The following CAST variants were observed in gnomAD, a reference collection of about 807,000 sequenced individuals.
The protein encoded by CAST is MIR583 host.
Under a neutral mutation model 119.6 loss-of-function variants are expected in CAST, and 76 were observed. The observed-to-expected ratio is 0.64, with a 90% confidence interval of 0.53 to 0.77. The LOEUF (loss-of-function observed/expected upper bound fraction) is 0.77, where lower values mean the gene tolerates loss of function less well. CAST is among the 30% of genes least tolerant of loss of function. The probability of loss-of-function intolerance (pLI) is 0.00; values close to 1 mark genes in which losing one functional copy is unlikely to be tolerated. For synonymous variants in CAST, 319 were observed against 331.6 expected (o/e 0.96, Z 0.41); for missense variants, 953 against 946.5 (o/e 1.01, Z -0.09).
chr5:96,358,983 A>T, the CAST span, among the ~76,000 whole-genome samples: 1 of 152,104 alleles, frequency 6.6e-6, no homozygotes, highest in Non-Finnish European at 1.5e-5. Context: ...GTCTCTTTGT[A>T]GGTGTTTAAG....
chr5:96,302,174 T>C, the CAST span, among the ~76,000 whole-genome samples: 1 of 152,196 alleles, frequency 6.6e-6, no homozygotes, highest in Non-Finnish European at 1.5e-5. Flanking sequence ...TCTGGAGCAG[T>C]GGCCTGAGAT....
the CAST span, among the ~76,000 whole-genome samples, chr5:96,453,351 C>T: frequency 1.3e-4 from 20 of 152,236 alleles, no homozygotes; most frequent in African/African-American, 4.8e-4. Context: ...AGTTGGTCTA[C>T]AAAATTATTT....
At chr5:96,422,049 C>T in the CAST span, 4 of 751,762 alleles carry the variant, frequency 5.3e-6, no homozygotes. Flanking sequence ...TTACCCTATG[C>T]CTTCCCATCC....
At chr5:96,382,249 A>G in the CAST span, among the ~76,000 whole-genome samples, 1 of 152,210 alleles carries the variant, frequency 6.6e-6, no homozygotes, top group African/African-American at 2.4e-5. Context: ...GTGCTCACAC[A>G]GTTTATCATG....
chr5:96,179,302 AC>A, the CAST span, among the ~76,000 whole-genome samples: 2 of 152,028 alleles, frequency 1.3e-5, no homozygotes, highest in Admixed American at 6.5e-5. Context: ...TCCCTGTCCT[AC>A]CCTTGCTTCA....
the CAST span, among the ~76,000 whole-genome samples, chr5:96,302,424 A>C: frequency 1.3e-5 from 2 of 152,332 alleles, no homozygotes; most frequent in African/African-American, 4.8e-5. Flanking sequence ...AAATTTCTGC[A>C]GCATTCCTGA....
chr5:96,116,164 C>T, the CAST span, among the ~76,000 whole-genome samples: 29 of 152,138 alleles, frequency 1.9e-4, no homozygotes, highest in African/African-American at 6.5e-4. Context: ...CTAGTTTTAC[C>T]TTTTCCAGAT....
chr5:96,110,741 G>A, the CAST span, among the ~76,000 whole-genome samples: 1 of 152,146 alleles, frequency 6.6e-6, no homozygotes, highest in South Asian at 2.1e-4. Context: ...TTACAAACTT[G>A]GAGATGTCTA....
rs573371298 is a variant in CAST, at chr5:96,732,580, T to C, written c.630+1720T>C. ...GTTTTGGACATGAAGTCCTTGCCCA[T>C]GCCTATGTCCTGAATGGTAATGCCT... On this transcript the variant is annotated intron_variant, in intron 9 of 31. Transcript: ENST00000675179. Among the ~76,000 whole-genome samples, 73 of 151,348 alleles carry C rather than the reference T, an allele frequency of 4.8e-4. 1 individual carries two copies. In the South Asian group the frequency reaches 7.3e-3, roughly 15 times the overall value.
At chr5:96,531,709 G>A (rs988360199) in intron 1 of CAST, among the ~76,000 whole-genome samples, 3 of 152,104 alleles carry the variant, frequency 2.0e-5, no homozygotes, top group Non-Finnish European at 2.9e-5. Context: ...TGGAGGAAGT[G>A]AAAATTTAAC....
intron 1 of CAST, among the ~76,000 whole-genome samples, chr5:96,564,287 A>C (rs2150185501): frequency 6.6e-6 from 1 of 152,312 alleles, no homozygotes; most frequent in African/African-American, 2.4e-5. Context: ...TTTGCTTTGG[A>C]ATTACAACAG....
the CAST span, among the ~76,000 whole-genome samples, chr5:96,374,025 T>C: frequency 6.6e-6 from 1 of 152,196 alleles, no homozygotes; most frequent in African/African-American, 2.4e-5. Flanking sequence ...GTATTTACTG[T>C]TCAGTTTAGC....
At chr5:96,558,920 A>G (rs992395035) in intron 1 of CAST, among the ~76,000 whole-genome samples, 4 of 152,044 alleles carry the variant, frequency 2.6e-5, no homozygotes, top group African/African-American at 9.7e-5. Context: ...AGAATTTTAG[A>G]CCAATATCCC....
chr5:96,227,621 C>T, the CAST span, among the ~76,000 whole-genome samples: 2 of 152,114 alleles, frequency 1.3e-5, no homozygotes, highest in Non-Finnish European at 2.9e-5. Flanking sequence ...GAAAAAGTGC[C>T]ATCATGGGAA....
At chr5:96,546,090 G>A (rs1430348025) in intron 1 of CAST, 1 of 152,192 alleles carries the variant, frequency 6.6e-6, no homozygotes, top group Non-Finnish European at 1.5e-5. Flanking sequence ...TGCCCACTGG[G>A]AGGATTTTCC....
the CAST span, chr5:96,308,788 T>A: frequency 6.5e-6 from 1 of 153,034 alleles, no homozygotes; most frequent in Non-Finnish European, 1.5e-5. Flanking sequence ...TAGCGGACGC[T>A]GCAAAACAAC....
chr5:96,158,430 C>T, the CAST span, among the ~76,000 whole-genome samples: 1 of 152,102 alleles, frequency 6.6e-6, no homozygotes, highest in African/African-American at 2.4e-5. Flanking sequence ...CTCTATGCCA[C>T]CCTCACCATC....
At chr5:96,763,126 C>T in intron 25 of CAST, 1 of 779,748 alleles carries the variant, frequency 1.3e-6, no homozygotes, top group Non-Finnish European at 2.4e-6. Flanking sequence ...TTAGCGAAGT[C>T]AGCTATGCTT....
At chr5:96,362,550 A>G in the CAST span, among the ~76,000 whole-genome samples, 4 of 152,014 alleles carry the variant, frequency 2.6e-5, no homozygotes, top group East Asian at 7.7e-4. Flanking sequence ...ATGGTATCTC[A>G]TTGTGGTTTT....
Sources: gnomAD v4.1 joint callset for allele counts (sites outside exome capture counted in the v4.1 genomes callset) on GRCh38, gnomAD v4.1.1 for gene constraint, MANE v1.5 for transcripts, NCBI Gene and HGNC (gene_info 2026-07-23, HGNC 2026-07-21) for gene names.